Variants in RAB10 observed in about 807,000 individuals in gnomAD.
RAB10 encodes ras-related protein Rab-10.
RAB10 carries 5 observed loss-of-function variants against 25.7 expected under a neutral mutation model. The ratio of observed to expected loss-of-function variants is 0.19; its 90% CI spans 0.10 to 0.41. The LOEUF is 0.41. Ranked by LOEUF, RAB10 falls within the 10% of genes least tolerant of loss-of-function variation. RAB10 has a pLI of 1.00. For missense variants in RAB10, 103 were observed against 245.8 expected (o/e 0.42, Z 3.89); for synonymous variants, 89 against 86.4 (o/e 1.03, Z -0.16).
In RAB10 at chr2:26,083,620, C is replaced by T. The variant is rs962130634; in HGVS notation, c.128-15042C>T. Among the ~76,000 whole-genome samples, 46 of 152,080 alleles carry T rather than the reference C, an allele frequency of 3.0e-4. 1 individual carries two copies. The highest frequency in any genetic ancestry group is 6.5e-4 in the Non-Finnish European group (44 of 68,030). On this transcript the variant is annotated intron_variant, in intron 1 of 5. Coordinates refer to ENST00000264710, the MANE Select transcript of RAB10 (RefSeq NM_016131.5). ...CCGGGATTACAAGTGTGTGCCACCA[C>T]ACCCGGTTAATTTTTTGTATGCTAG...
intron 2 of RAB10, among the ~76,000 whole-genome samples, chr2:26,108,879 A>ATATTTATTTATTTATT (rs72232011): frequency 2.1e-5 from 3 of 139,632 alleles, no homozygotes; most frequent in East Asian, 4.1e-4. Context: ...CTTTTGCTTT[A>ATATTTATTTATTTATT]TATTTATTTA....
At chr2:26,035,636 C>T (rs1265535295) in intron 1 of RAB10, among the ~76,000 whole-genome samples, 2 of 152,170 alleles carry the variant, frequency 1.3e-5, no homozygotes, top group African/African-American at 4.8e-5. Context: ...GCTAATTGTG[C>T]TATATTAATT....
intron 3 of RAB10, 81 bp downstream of exon 3, chr2:26,109,987 C>A: frequency 7.5e-7 from 1 of 1,340,308 alleles, no homozygotes; most frequent in Non-Finnish European, 1.0e-6. Context: ...TCCAACTGAT[C>A]TTCAGGATAT....
intron 5 of RAB10, among the ~76,000 whole-genome samples, chr2:26,129,653 A>C (rs541307618): frequency 6.4e-4 from 98 of 152,198 alleles, no homozygotes; most frequent in Non-Finnish European, 1.2e-3. Context: ...GTTTACTACA[A>C]TTGAATATTC....
At chr2:26,061,908 C>T (rs1559581642) in intron 1 of RAB10, among the ~76,000 whole-genome samples, 1 of 151,980 alleles carries the variant, frequency 6.6e-6, no homozygotes, top group South Asian at 2.1e-4. Flanking sequence ...TTTTTTTATA[C>T]AGGCAGGGCC....
intron 3 of RAB10, among the ~76,000 whole-genome samples, chr2:26,120,072 T>C (rs1669017401): frequency 6.6e-6 from 1 of 152,240 alleles, no homozygotes; most frequent in South Asian, 2.1e-4. Context: ...ATCATTTATT[T>C]ATTGGCTTCG....
At chr2:26,062,679 A>AAAAT (rs10659551) in intron 1 of RAB10, among the ~76,000 whole-genome samples, 97,661 of 148,330 alleles carry the variant, frequency 0.66, 32,325 homozygotes, top group East Asian at 0.81. Context: ...CTCTGTCTCA[A>AAAAT]AAATAAATAA....
intron 3 of RAB10, among the ~76,000 whole-genome samples, chr2:26,120,783 G>C (rs1292553147): frequency 6.6e-6 from 1 of 152,140 alleles, no homozygotes; most frequent in South Asian, 2.1e-4. Context: ...GTAGACACGA[G>C]GTTTCACTGT....
chr2:26,131,747 C>T (rs1668017318), intron 5 of RAB10, among the ~76,000 whole-genome samples: 1 of 151,986 alleles, frequency 6.6e-6, no homozygotes, highest in Admixed American at 6.6e-5. Context: ...TTTGTCCCAC[C>T]CCACCCCCAC....
intron 1 of RAB10, among the ~76,000 whole-genome samples, chr2:26,090,382 G>A (rs970519148): frequency 2.6e-5 from 4 of 151,102 alleles, no homozygotes; most frequent in African/African-American, 4.9e-5. Context: ...ACTATTTCTG[G>A]TATTTTGAAA....
At position 26,111,572 on chromosome 2, in the gene RAB10, C is replaced by T. The variant is rs1667572489; in HGVS notation, c.327+1666C>T. ...TGAGCTGAGATCACGCACCATTGTA[C>T]TCCAGCCTGGGCAACAAGAGCGAAA... On this transcript the variant is annotated intron_variant, in intron 3 of 5. Coordinates refer to ENST00000264710, the MANE Select transcript of RAB10 (RefSeq NM_016131.5). Among the ~76,000 whole-genome samples, 3 of 149,694 alleles carry T rather than the reference C, an allele frequency of 2.0e-5. No homozygotes were observed. In the South Asian group the frequency reaches 6.3e-4, roughly 31 times the overall value.
intron 1 of RAB10, among the ~76,000 whole-genome samples, chr2:26,068,478 A>T (rs931764484): frequency 1.3e-5 from 2 of 152,200 alleles, no homozygotes; most frequent in Admixed American, 1.3e-4. Context: ...ACTGTATACT[A>T]TTTAATCTTT....
intron 1 of RAB10, among the ~76,000 whole-genome samples, chr2:26,097,452 GT>G (rs1667246693): frequency 6.6e-6 from 1 of 151,976 alleles, no homozygotes; most frequent in South Asian, 2.1e-4. Flanking sequence ...GTATTTTTGT[GT>G]TTTTAGTAGA....
chr2:26,131,346 G>A (rs546685912), intron 5 of RAB10, among the ~76,000 whole-genome samples: 2 of 152,248 alleles, frequency 1.3e-5, no homozygotes, highest in South Asian at 4.1e-4. Flanking sequence ...GTATTGGGCT[G>A]TGTGCAGGCT....
chr2:26,085,926 G>T (rs951597777), intron 1 of RAB10, among the ~76,000 whole-genome samples: 1 of 144,146 alleles, frequency 6.9e-6, no homozygotes, highest in Non-Finnish European at 1.5e-5. Flanking sequence ...TTGAACCCAG[G>T]AGGCAGAGGT....
rs777136174 is a variant in RAB10, at chr2:26,127,926, C to A, written c.494C>A (p.Thr165Lys). ...ATAAACATCGAAAAGGCGTTCCTCACGTTAGCTGAAGATATCCTTCGAAAG... is the reference window on the plus strand; with the variant it reads ...ATAAACATCGAAAAGGCGTTCCTCAAGTTAGCTGAAGATATCCTTCGAAAG... Reference protein sequence around the residue: ...ANINIEKAFLTLAEDILRKTP... With the variant: ...ANINIEKAFLKLAEDILRKTP... Residue 165 changes from threonine (T) to lysine (K), a missense_variant, in exon 5 of 6, where the codon ACG (threonine) becomes AAG (lysine). By Grantham distance (78) the Thr-to-Lys change is moderately conservative (BLOSUM62 -1). This residue lies in a region of RAB10 where 79 missense variants were observed against 217.8 expected (regional missense o/e 0.36). Coordinates refer to ENST00000264710, the MANE Select transcript of RAB10 (RefSeq NM_016131.5). 1 of 1,606,304 alleles carries A rather than the reference C, an allele frequency of 6.2e-7. No homozygotes were observed. Among genetic ancestry groups the A allele is most frequent in the South Asian group, 1.1e-5 (1 of 90,900 alleles).
At chr2:26,110,205 A>T (rs927937428) in intron 3 of RAB10, among the ~76,000 whole-genome samples, 28 of 152,006 alleles carry the variant, frequency 1.8e-4, no homozygotes, top group African/African-American at 6.0e-4. Context: ...GGGTGTGGTG[A>T]TGTGCACCTG....
intron 1 of RAB10, among the ~76,000 whole-genome samples, chr2:26,093,571 C>G (rs1667151549): frequency 6.6e-6 from 1 of 152,154 alleles, no homozygotes; most frequent in African/African-American, 2.4e-5. Flanking sequence ...ATAGATACCT[C>G]TTTTGTGTTT....
At chr2:26,071,010 G>A (rs1412569848) in intron 1 of RAB10, among the ~76,000 whole-genome samples, 1 of 152,102 alleles carries the variant, frequency 6.6e-6, no homozygotes, top group Admixed American at 6.6e-5. Flanking sequence ...TCAAGACAAT[G>A]GAACCAAGCT....
Sources: gnomAD v4.1 joint callset for allele counts (sites outside exome capture counted in the v4.1 genomes callset) on GRCh38, gnomAD v4.1.1 for gene constraint, gnomAD v4.1.1 regional missense constraint, MANE v1.5 for transcripts, NCBI Gene and HGNC (gene_info 2026-07-23, HGNC 2026-07-21) for gene names.